Variants in NDUFAF5 observed in about 807,000 individuals in gnomAD.
The protein encoded by NDUFAF5 is NADH:ubiquinone oxidoreductase complex assembly factor 5, also known as arginine-hydroxylase NDUFAF5, mitochondrial.
In NDUFAF5, 34 loss-of-function variants were observed where a neutral mutation model predicts 48.9. The ratio of observed to expected loss-of-function variants is 0.70; its 90% CI spans 0.53 to 0.93. NDUFAF5 has a LOEUF of 0.93. Ranked by LOEUF, NDUFAF5 falls within the 40% of genes least tolerant of loss-of-function variation. The pLI is 0.00. For missense variants in NDUFAF5, 428 were observed against 427.5 expected, an observed-to-expected ratio of 1.00 and a Z score of -0.01; for synonymous variants, 153 against 150.6, an observed-to-expected ratio of 1.02 and a Z score of -0.12.
chr20:13,793,717 GTTTGA>G (rs1982718110), intron 4 of NDUFAF5, among the ~76,000 whole-genome samples: 1 of 152,190 alleles, frequency 6.6e-6, no homozygotes, highest in African/African-American at 2.4e-5. Context: ...CACATTGTAT[GTTTGA>G]TTTATTTTTT....
intron 3 of NDUFAF5, among the ~76,000 whole-genome samples, chr20:13,792,135 G>A (rs377653686): frequency 2.0e-5 from 3 of 152,208 alleles, no homozygotes; most frequent in Non-Finnish European, 2.9e-5. Context: ...AAATTTTCAA[G>A]TGAGAGACAG....
At chr20:13,794,262 C>CT (rs1263260294) in intron 4 of NDUFAF5, among the ~76,000 whole-genome samples, 1 of 151,862 alleles carries the variant, frequency 6.6e-6, no homozygotes, top group Non-Finnish European at 1.5e-5. Flanking sequence ...GGTTGTTTCA[C>CT]TAAAACTTTC....
chr20:13,786,069 C>A (rs1185886341), intron 1 of NDUFAF5, among the ~76,000 whole-genome samples: 2 of 152,268 alleles, frequency 1.3e-5, no homozygotes, highest in East Asian at 3.9e-4. Flanking sequence ...GTTTGAGAAA[C>A]CTTTCTCCCT....
intron 8 of NDUFAF5, among the ~76,000 whole-genome samples, chr20:13,810,615 T>G (rs1258162974): frequency 2.0e-5 from 3 of 152,014 alleles, no homozygotes; most frequent in African/African-American, 7.2e-5. Flanking sequence ...TGAGGTTGTT[T>G]TTTTTTTTCT....
intron 2 of NDUFAF5, 48 bp from the exon 3 acceptor site, chr20:13,788,541 A>T: frequency 7.3e-7 from 1 of 1,362,210 alleles, no homozygotes; most frequent in Non-Finnish European, 1.1e-6. Flanking sequence ...TTCTTAATTT[A>T]TAGACTGTGT....
At chr20:13,788,714 A>T in intron 3 of NDUFAF5, 62 bp downstream of exon 3, 1 of 1,077,900 alleles carries the variant, frequency 9.3e-7, no homozygotes, top group Non-Finnish European at 1.4e-6. Context: ...TTAAAGAAAG[A>T]CTTTCCTAAT....
intron 3 of NDUFAF5, 31 bp from the exon 4 acceptor site, chr20:13,793,149 G>A: frequency 6.2e-7 from 1 of 1,613,274 alleles, no homozygotes; most frequent in Non-Finnish European, 8.5e-7. Context: ...GACTGGATTT[G>A]TTTGTTTCAG....
At chr20:13,797,274 C>G (rs1983388820) in intron 5 of NDUFAF5, among the ~76,000 whole-genome samples, 1 of 152,178 alleles carries the variant, frequency 6.6e-6, no homozygotes, top group Admixed American at 6.5e-5. Context: ...AAACTTACGT[C>G]CACGCAAAAA....
In NDUFAF5 at chr20:13,794,814, G is replaced by C. The variant is rs1462299887; in HGVS notation, c.376-24G>C. On this transcript the variant is annotated intron_variant, in intron 4 of 10. Transcript: ENST00000378106. ...TGAGATTCTACATAAATGTGATTTT[G>C]ATCTTTCGTTTTCTTAACATTAGAA... The C allele has an allele frequency of 5.3e-6, 7 of 1,325,050 alleles. No individual in the cohort carries two copies. The Middle Eastern group carries it at 7.6e-4, about 143-fold the overall frequency. 82.1% of individuals were successfully genotyped at this position (1,325,050 alleles called of 1,614,324 possible). A position where few individuals can be genotyped will look rare whatever the true frequency, so the allele number is the denominator to read the frequency against.
rs888351123 is a variant in NDUFAF5, at chr20:13,819,571, G to T, written c.*2361G>T. On this transcript the variant is annotated 3_prime_UTR_variant, in exon 11 of 11. Coordinates refer to ENST00000378106, the MANE Select transcript of NDUFAF5 (RefSeq NM_024120.5). Reference sequence around the variant, plus strand: ...TTTAATAGAGATGGGGTTTCACCATGTTGGCCAGGATGGTCTCAATCTCTT... The same window carrying T: ...TTTAATAGAGATGGGGTTTCACCATTTTGGCCAGGATGGTCTCAATCTCTT... The T allele has an allele frequency of 1.3e-5, 2 of 152,206 alleles. No individual in the cohort carries two copies. Among genetic ancestry groups the T allele is most frequent in the Non-Finnish European group, 2.9e-5 (2 of 68,064 alleles). The allele number at this position is 152,206 out of a possible 1,614,324, so 9.4% of individuals were successfully genotyped here.
At position 13,818,374 on chromosome 20, in the gene NDUFAF5, G is replaced by T. The variant is rs753422959; in HGVS notation, c.*1164G>T. ...TCATCGATATTTGAAACTGGGATAC[G>T]CTTGGTAGCTTTTTTGTTTTAACAC... On this transcript the variant is annotated 3_prime_UTR_variant, in exon 11 of 11. Transcript: ENST00000378106. The T allele has an allele frequency of 2.5e-5, 9 of 361,164 alleles. No homozygotes were observed. Among genetic ancestry groups the T allele is most frequent in the African/African-American group, 4.3e-5 (2 of 46,818 alleles). The allele number at this position is 361,164 out of a possible 1,614,324, so 22.4% of individuals were successfully genotyped here.
At chr20:13,787,143 T>C (rs527837788) in intron 1 of NDUFAF5, 169 bp from the exon 2 acceptor site, 12 of 704,360 alleles carry the variant, frequency 1.7e-5, no homozygotes, top group Non-Finnish European at 3.1e-5. Flanking sequence ...TCTGAAATAA[T>C]TTGCCTCAAT....
chr20:13,811,059 G>A (rs2147604780), intron 8 of NDUFAF5, among the ~76,000 whole-genome samples: 1 of 152,276 alleles, frequency 6.6e-6, no homozygotes, highest in Admixed American at 6.5e-5. Context: ...AGTTTGGGTT[G>A]GGGGTTTGCT....
chr20:13,812,518 A>G (rs1245803874), intron 8 of NDUFAF5, among the ~76,000 whole-genome samples: 2 of 152,222 alleles, frequency 1.3e-5, no homozygotes, highest in African/African-American at 4.8e-5. Context: ...ATCTGTGTTC[A>G]TGATTCATTT....
intron 3 of NDUFAF5, among the ~76,000 whole-genome samples, chr20:13,789,940 A>G (rs1217930770): frequency 6.6e-6 from 1 of 152,226 alleles, no homozygotes; most frequent in African/African-American, 2.4e-5. Context: ...GGGAAAAGAA[A>G]AAATCAGTAG....
chr20:13,806,733 G>A (rs1985065466), intron 7 of NDUFAF5, among the ~76,000 whole-genome samples: 1 of 152,138 alleles, frequency 6.6e-6, no homozygotes, highest in African/African-American at 2.4e-5. Flanking sequence ...AAAACAGCTT[G>A]TTAATATGGA....
chr20:13,785,363 T>G, intron 1 of NDUFAF5, 73 bp downstream of exon 1: 1 of 1,341,390 alleles, frequency 7.5e-7, no homozygotes, highest in Non-Finnish European at 1.0e-6. Context: ...TAGTTCCGGC[T>G]AGGCCCCGAG....
intron 2 of NDUFAF5, 133 bp downstream of exon 2, chr20:13,787,485 T>A: frequency 1.2e-6 from 1 of 858,026 alleles, no homozygotes; most frequent in Non-Finnish European, 2.0e-6. Flanking sequence ...TAAATCACTC[T>A]GTAAGTCTCC....
chr20:13,791,230 A>C (rs1982228886), intron 3 of NDUFAF5, among the ~76,000 whole-genome samples: 1 of 152,194 alleles, frequency 6.6e-6, no homozygotes, highest in South Asian at 2.1e-4. Context: ...TGGAATTGGG[A>C]TATTGAGGTT....
Sources: gnomAD v4.1 joint callset for allele counts (sites outside exome capture counted in the v4.1 genomes callset) on GRCh38, gnomAD v4.1.1 for gene constraint, MANE v1.5 for transcripts, NCBI Gene and HGNC (gene_info 2026-07-23, HGNC 2026-07-21) for gene names.